The following NTSR2 variants were observed in gnomAD, a reference collection of about 807,000 sequenced individuals.
The protein encoded by NTSR2 is neurotensin receptor type 2.
Under a neutral mutation model 24.1 loss-of-function variants are expected in NTSR2, and 22 were observed. The observed-to-expected ratio is 0.91, with a 90% CI of 0.65 to 1.30. The LOEUF is 1.30. Ranked by LOEUF, NTSR2 falls within the 50% of genes most tolerant of loss-of-function variation. The pLI, the probability that NTSR2 is intolerant of heterozygous loss-of-function variation, is 0.00. For synonymous variants in NTSR2, 291 were observed against 267.0 expected, an observed-to-expected ratio of 1.09 and a Z score of -0.88; for missense variants, 570 against 570.4, an observed-to-expected ratio of 1.00 and a Z score of 0.01.
intron 1 of NTSR2, among the ~76,000 whole-genome samples, chr2:11,667,518 T>C (rs1020235741): frequency 2.6e-5 from 4 of 152,054 alleles, no homozygotes; most frequent in Admixed American, 2.6e-4. Flanking sequence ...CTAACTATTT[T>C]ATTTTTAGGA....
chr2:11,663,174 C>T (rs1661118015), intron 1 of NTSR2, among the ~76,000 whole-genome samples: 1 of 152,060 alleles, frequency 6.6e-6, no homozygotes, highest in African/African-American at 2.4e-5. Context: ...CTCTATGGAC[C>T]CTTCCTCAGG....
chr2:11,662,190 C>T lies in NTSR2; in HGVS notation c.675G>A (p.Leu225=), dbSNP rs966303094. 2.5e-6 allele frequency: 4 copies of T among 1,571,574 alleles called. No homozygotes were observed. Among genetic ancestry groups the T allele is most frequent in the Non-Finnish European group, 2.6e-6 (3 of 1,158,930 alleles). ...GCAGGTGGCTCACTGTGACCCCATTCAGGAAAGCAGTTAGTGCCAAGGGGA... is the reference window on the plus strand; with the variant it reads ...GCAGGTGGCTCACTGTGACCCCATTTAGGAAAGCAGTTAGTGCCAAGGGGA... ...FVLPLALTAF[L]NGVTVSHLLA... Residue 225 remains leucine, a synonymous_variant, in exon 2 of 4, where the codon CTG becomes CTA. Transcript: ENST00000306928.
intron 1 of NTSR2, 47 bp downstream of exon 1, chr2:11,669,459 C>CCGGGCGGGGGGGGGGGCGG: frequency 3.0e-6 from 1 of 337,896 alleles, no homozygotes; most frequent in Non-Finnish European, 5.3e-6. Context: ...CTCCCAGCAC[C>CCGGGCGGGGGGGGGGGCGG]GCCCCCCCAC....
Position 11,669,946 on chromosome 2 carries a change from C to T in NTSR2, c.184G>A (p.Ala62Thr), listed in dbSNP as rs756458789. Residue 62 changes from alanine to threonine, a missense_variant, in exon 1 of 4, where the codon GCC (alanine) becomes ACC (threonine). Coordinates refer to ENST00000306928, the MANE Select transcript of NTSR2 (RefSeq NM_012344.4). ...TGGCGCAGGCGCCCCGCGCGCCCGG[C>T]CCGCGCCTTCAGCACCACGTGCGCG... ...LSAHVVLKAR[A>T]GRAGRLRHHV... The T allele has an allele frequency of 6.5e-5, 98 of 1,512,524 alleles. No individual in the cohort carries two copies. Among genetic ancestry groups the T allele is most frequent in the Non-Finnish European group, 8.4e-5 (95 of 1,137,278 alleles). The allele number at this position is 1,512,524 out of a possible 1,614,324, so 93.7% of individuals were successfully genotyped here.
chr2:11,658,378 G>C lies in NTSR2; in HGVS notation c.*101C>G. 2 of 1,481,662 alleles carry C rather than the reference G, an allele frequency of 1.3e-6. No individual in the cohort carries two copies. The highest frequency in any genetic ancestry group is 1.4e-5 in the South Asian group (1 of 72,920). 91.8% of individuals were successfully genotyped at this position (1,481,662 alleles called of 1,614,324 possible). On this transcript the variant is annotated 3_prime_UTR_variant, in exon 4 of 4. Transcript: ENST00000306928. Reference sequence around the variant, plus strand: ...GCAGGGGTTGATAGAAGTCGCCCTGGCTGCGAAGCTTGAATGATTAGTGAT... The same window carrying C: ...GCAGGGGTTGATAGAAGTCGCCCTGCCTGCGAAGCTTGAATGATTAGTGAT...
Position 11,669,761 on chromosome 2 carries a change from C to T in NTSR2, c.369G>A (p.Val123=). 6.5e-7 allele frequency: 1 copy of T among 1,541,816 alleles called. No homozygotes were observed. The highest frequency in any genetic ancestry group is 8.7e-7 in the Non-Finnish European group (1 of 1,150,326). ...CGGCGCTCAGGCCTGCCACGCTCAG[C>T]ACCGTGGCGTAGGCGCACAGCTCGT... is the stretch of plus-strand genomic sequence containing the variant. ...FVHELCAYAT[V]LSVAGLSAER... The change falls in exon 1 of 4, where the codon GTG becomes GTA. Residue 123 remains valine (V), a synonymous_variant. Transcript: ENST00000306928.
At position 11,669,598 on chromosome 2, in the gene NTSR2, G is replaced by T. The variant is rs1338900750; in HGVS notation, c.532C>A (p.His178Asn). Residue 178 changes from histidine (H) to asparagine (N), a missense_variant, in exon 1 of 4, where the codon CAC becomes AAC. His to Asn is a moderately conservative substitution (Grantham distance 68, BLOSUM62 1). Transcript: ENST00000306928. ...TCCCCGTCCGCCGTCTCGAGTTCGT[G>T]CTTCTGCCCCATGATGACGGCCATG... ...LPMAVIMGQK[H>N]ELETADGEPE... 1.3e-6 allele frequency: 2 copies of T among 1,583,448 alleles called. No homozygotes were observed. The highest frequency in any genetic ancestry group is 2.3e-5 in the South Asian group (2 of 88,160).
intron 1 of NTSR2, among the ~76,000 whole-genome samples, chr2:11,668,798 T>G (rs181163528): frequency 3.9e-4 from 59 of 152,324 alleles, no homozygotes; most frequent in African/African-American, 1.4e-3. Context: ...CATTGTGAAG[T>G]GCTGCAAATA....
At chr2:11,660,736 AT>A (rs1661053119) in intron 2 of NTSR2, among the ~76,000 whole-genome samples, 1 of 152,084 alleles carries the variant, frequency 6.6e-6, no homozygotes, top group African/African-American at 2.4e-5. Flanking sequence ...GCAAGACTCC[AT>A]CTCAAAAAGA....
In NTSR2 at chr2:11,658,549, G is replaced by C. The variant is rs61753869; in HGVS notation, c.1163C>G (p.Pro388Arg). The change falls in exon 4 of 4, where the codon CCG becomes CGG. Residue 388 changes from proline to arginine, a missense_variant. Transcript: ENST00000306928. ...GEHHPMKRLP[P>R]KPQSPTLMDT... ...CATTAGGGTGGGACTCTGGGGCTTC[G>C]GGGGTAACCGCTTCATGGGGTGGTG... 1 of 1,614,118 alleles carries C rather than the reference G, an allele frequency of 6.2e-7. No homozygotes were observed. Among genetic ancestry groups the C allele is most frequent in the South Asian group, 1.1e-5 (1 of 91,076 alleles).
rs747359813 is a variant in NTSR2 at position 11,669,908 on chromosome 2, G to A, written c.222C>T (p.Ser74=). 6.4e-6 allele frequency: 10 copies of A among 1,562,470 alleles called. No individual in the cohort carries two copies. Among genetic ancestry groups the A allele is most frequent in the Admixed American group, 1.9e-5 (1 of 54,006 alleles). The stretch of plus-strand genomic sequence containing the variant: ...GCAGCAGCAGGCCCGCGAGCGCCAG[G>A]CTGAGCACGTGGTGGCGCAGGCGCC... The part of the protein sequence containing the change: ...RAGRLRHHVL[S]LALAGLLLLL... The change falls in exon 1 of 4, where the codon AGC becomes AGT. Residue 74 remains serine (S), a synonymous_variant. Coordinates refer to ENST00000306928, the MANE Select transcript of NTSR2 (RefSeq NM_012344.4).
chr2:11,669,403 C>A, intron 1 of NTSR2, 103 bp downstream of exon 1: 1 of 966,386 alleles, frequency 1.0e-6, no homozygotes, highest in Non-Finnish European at 1.4e-6. Flanking sequence ...TGGTGGCGAG[C>A]ATTAGAGTCG....
intron 1 of NTSR2, among the ~76,000 whole-genome samples, chr2:11,663,998 T>C (rs1462960395): frequency 6.6e-6 from 1 of 152,114 alleles, no homozygotes; most frequent in African/African-American, 2.4e-5. Context: ...AAAATGAATT[T>C]ATTTATATAA....
chr2:11,659,589 T>G (rs1661026050), intron 3 of NTSR2, among the ~76,000 whole-genome samples: 2 of 152,246 alleles, frequency 1.3e-5, no homozygotes, highest in Non-Finnish European at 2.9e-5. Flanking sequence ...AAAGGCAGAT[T>G]ATGAATTCTC....
rs764229979 is a variant in NTSR2 at position 11,658,693 on chromosome 2, TAGA to T, written c.1016_1018del (p.Phe339del). 6.2e-7 allele frequency: 1 copy of T among 1,614,074 alleles called. No homozygotes were observed. The highest frequency in any genetic ancestry group is 1.1e-5 in the South Asian group (1 of 91,070). ...GTAGAAAAGTGTGTTGGTCACCATG[TAGA>T]AGTAGTGGTAGAAATTGTACAGTGG... is the stretch of plus-strand genomic sequence containing the variant. On this transcript the variant is annotated inframe_deletion, in exon 4 of 4. Transcript: ENST00000306928.
intron 2 of NTSR2, among the ~76,000 whole-genome samples, chr2:11,661,714 G>A (rs527959380): frequency 1.3e-5 from 2 of 152,296 alleles, no homozygotes; most frequent in Admixed American, 1.3e-4. Context: ...AAGTGGTCAG[G>A]TCTCTGTTTG....
chr2:11,665,218 C>A (rs1367946579), intron 1 of NTSR2, among the ~76,000 whole-genome samples: 1 of 152,166 alleles, frequency 6.6e-6, no homozygotes, highest in Non-Finnish European at 1.5e-5. Context: ...CGGAGAACTG[C>A]GCAGCCAGGT....
Position 11,660,071 on chromosome 2 carries a change from A to G in NTSR2, c.961T>C (p.Cys321Arg). 1 of 1,613,976 alleles carries G rather than the reference A, an allele frequency of 6.2e-7. No individual in the cohort carries two copies. The change falls in exon 3 of 4, where the codon TGC becomes CGC. Residue 321 changes from cysteine to arginine, a missense_variant. By Grantham distance (180) the Cys-to-Arg change is radical (BLOSUM62 -3). Transcript: ENST00000306928. ...GTCCACGCGTCATCAGGTACGTAGC[A>G]GTACATGAGCCTGCGGGCATGGTAC... The part of the protein sequence containing the change: ...LPYHARRLMY[C>R]YVPDDAWTDP...
At chr2:11,669,460 G>GGGGGGGGGGGGGGGGGGGGCCCCCC in intron 1 of NTSR2, 46 bp downstream of exon 1, 3 of 254,726 alleles carry the variant, frequency 1.2e-5, no homozygotes, top group Non-Finnish European at 2.1e-5. Flanking sequence ...TCCCAGCACC[G>GGGGGGGGGGGGGGGGGGGGCCCCCC]CCCCCCCACC....
Sources: gnomAD v4.1 joint callset for allele counts (sites outside exome capture counted in the v4.1 genomes callset) on GRCh38, gnomAD v4.1.1 for gene constraint, MANE v1.5 for transcripts, NCBI Gene and HGNC (gene_info 2026-07-23, HGNC 2026-07-21) for gene names.